Variants in PI4KA observed in about 807,000 individuals in gnomAD.
PI4KA encodes PI4-kinase alpha.
In PI4KA, 122 loss-of-function variants were observed where a neutral mutation model predicts 271.4. The ratio of observed to expected loss-of-function variants is 0.45; its 90% CI spans 0.39 to 0.52. The LOEUF (loss-of-function observed/expected upper bound fraction) is 0.52. Among genes scored for constraint, PI4KA ranks in the 20% least tolerant of loss-of-function variants. PI4KA has a pLI of 0.00. For synonymous variants in PI4KA, 1,041 were observed against 1,078.8 expected, an observed-to-expected ratio of 0.96 and a Z score of 0.69; for missense variants, 1,969 against 2,769.1, an observed-to-expected ratio of 0.71 and a Z score of 6.48.
intron 23 of PI4KA, 113 bp downstream of exon 23, chr22:20,761,191 A>G: frequency 1.4e-6 from 1 of 699,766 alleles, no homozygotes; most frequent in Non-Finnish European, 2.6e-6. Context: ...TTCTCATGCA[A>G]TATTTAACTT....
intron 1 of PI4KA, among the ~76,000 whole-genome samples, chr22:20,839,569 C>T (rs538943338): frequency 8.9e-4 from 135 of 152,300 alleles, no homozygotes; most frequent in Non-Finnish European, 1.6e-3. Flanking sequence ...CGGTGGCTCA[C>T]GCCTGTAATC....
chr22:20,738,187 G>A (rs1928965061), intron 32 of PI4KA, among the ~76,000 whole-genome samples: 1 of 152,068 alleles, frequency 6.6e-6, no homozygotes, highest in Non-Finnish European at 1.5e-5. Context: ...AGGAGTGAGC[G>A]TGGCTAAGAC....
intron 43 of PI4KA, among the ~76,000 whole-genome samples, chr22:20,720,369 TAAG>T (rs371415080): frequency 1.5e-3 from 221 of 152,158 alleles, no homozygotes; most frequent in African/African-American, 4.3e-3. Flanking sequence ...AAGTAATCAT[TAAG>T]AAGCTAGGCT....
At chr22:20,804,593 C>A (rs2147616636) in intron 11 of PI4KA, among the ~76,000 whole-genome samples, 193 bp from the exon 12 acceptor site, 1 of 152,276 alleles carries the variant, frequency 6.6e-6, no homozygotes, top group African/African-American at 2.4e-5. Flanking sequence ...CCCCCTTGTC[C>A]CCGCAGTGTT....
chr22:20,755,327 T>C (rs1931164806), intron 23 of PI4KA, among the ~76,000 whole-genome samples: 2 of 152,328 alleles, frequency 1.3e-5, no homozygotes, highest in Admixed American at 1.3e-4. Context: ...TCTTCTTTCT[T>C]GGCGTGTCCT....
At chr22:20,833,652 T>G (rs1032336277) in intron 3 of PI4KA, among the ~76,000 whole-genome samples, 4 of 97,946 alleles carry the variant, frequency 4.1e-5, no homozygotes, top group East Asian at 2.9e-4. Context: ...TTTTGGTTTG[T>G]TTTTGTTTTT....
At chr22:20,787,179 T>C in intron 19 of PI4KA, 1 of 975,962 alleles carries the variant, frequency 1.0e-6, no homozygotes, top group South Asian at 1.3e-5. Flanking sequence ...GCTACCAATC[T>C]GAATTCGAGG....
chr22:20,851,110 A>G (rs1926911617), intron 1 of PI4KA, among the ~76,000 whole-genome samples: 1 of 152,094 alleles, frequency 6.6e-6, no homozygotes, highest in African/African-American at 2.4e-5. Flanking sequence ...CTATAATCCC[A>G]GCACTTTGCG....
chr22:20,727,215 G>A lies in PI4KA; in HGVS notation c.4941+15C>T, dbSNP rs1601343927. 1 of 1,604,612 alleles carries A rather than the reference G, an allele frequency of 6.2e-7. No individual in the cohort carries two copies. The highest frequency in any genetic ancestry group is 8.5e-7 in the Non-Finnish European group (1 of 1,177,292). ...AGTCCTACCAGAGGCCAGCTCAGCA[G>A]GGCCCTGGGCTCACCGGAGGGAAGG... On this transcript the variant is annotated intron_variant, in intron 41 of 54. Coordinates refer to ENST00000255882, the MANE Select transcript of PI4KA (RefSeq NM_058004.4).
At chr22:20,823,115 T>G (rs373290331) in intron 4 of PI4KA, among the ~76,000 whole-genome samples, 2 of 152,094 alleles carry the variant, frequency 1.3e-5, no homozygotes, top group Admixed American at 1.3e-4. Context: ...GGTTTCTTCA[T>G]GTTGGCCAGG....
intron 42 of PI4KA, 58 bp from the exon 43 acceptor site, chr22:20,721,476 T>C: frequency 2.5e-6 from 4 of 1,588,520 alleles, no homozygotes; most frequent in East Asian, 4.5e-5. Context: ...AGGAGGGCCT[T>C]GTCAGCAGCT....
intron 3 of PI4KA, among the ~76,000 whole-genome samples, chr22:20,828,499 G>A (rs374011108): frequency 6.6e-6 from 1 of 152,106 alleles, no homozygotes; most frequent in East Asian, 1.9e-4. Flanking sequence ...GTTTGTCATA[G>A]ATGGCTATTA....
rs182974101 is a variant in PI4KA at position 20,841,179 on chromosome 22, C to T, written c.157-2448G>A. Among the ~76,000 whole-genome samples the T allele has an allele frequency of 2.2e-3, 334 of 152,210 alleles. 1 individual carries two copies. The highest frequency in any genetic ancestry group is 6.9e-3 in the African/African-American group (286 of 41,518). On this transcript the variant is annotated intron_variant, in intron 1 of 54. Transcript: ENST00000255882. ...ACAGGCATGAGCCATCGCACCCTGC[C>T]ACCAAGGCTTTCTTTTTTACATAAA...
In PI4KA at chr22:20,813,428, G is replaced by C. The variant is rs1177714722; in HGVS notation, c.935C>G (p.Pro312Arg). ...CTTATATGTGACACCGTTGAAAAGG[G>C]GAGAGACTGAGAAGCTGGAGCTGAT... ...STISSSFSVS[P>R]LFNGVTYKEF... Residue 312 changes from proline (P) to arginine (R), a missense_variant, in exon 8 of 55, where the codon CCC (proline) becomes CGC (arginine). Transcript: ENST00000255882. 3.1e-6 allele frequency: 5 copies of C among 1,613,520 alleles called. No homozygotes were observed. The highest frequency in any genetic ancestry group is 3.4e-6 in the Non-Finnish European group (4 of 1,179,460).
chr22:20,741,438 C>T (rs962260389), intron 32 of PI4KA, among the ~76,000 whole-genome samples: 1 of 152,158 alleles, frequency 6.6e-6, no homozygotes, highest in Admixed American at 6.5e-5. Context: ...ACTCCCCTGA[C>T]TTCACAGGTG....
intron 30 of PI4KA, among the ~76,000 whole-genome samples, chr22:20,744,064 A>G (rs1929776481): frequency 6.6e-6 from 1 of 152,142 alleles, no homozygotes; most frequent in South Asian, 2.1e-4. Context: ...AAAAACAAAA[A>G]CAAAAACAAA....
At chr22:20,826,415 G>C (rs368316311) in intron 3 of PI4KA, among the ~76,000 whole-genome samples, 25 of 152,108 alleles carry the variant, frequency 1.6e-4, no homozygotes, top group African/African-American at 5.3e-4. Context: ...AGTACTCCAC[G>C]GTACACATAC....
intron 47 of PI4KA, among the ~76,000 whole-genome samples, 195 bp from the exon 48 acceptor site, chr22:20,713,585 G>A (rs1360727669): frequency 6.6e-6 from 1 of 152,216 alleles, no homozygotes; most frequent in African/African-American, 2.4e-5. Flanking sequence ...TGGAATCCAG[G>A]GTTGGAGTCT....
chr22:20,788,354 G>T (rs1934407190), intron 19 of PI4KA, among the ~76,000 whole-genome samples: 1 of 152,178 alleles, frequency 6.6e-6, no homozygotes, highest in Non-Finnish European at 1.5e-5. Flanking sequence ...AAGAAGAGTG[G>T]TAAAAGGGAG....
Sources: allele counts gnomAD v4.1 joint callset (sites outside exome capture counted in the v4.1 genomes callset), GRCh38; gene constraint gnomAD v4.1.1; transcripts MANE v1.5; gene names NCBI Gene and HGNC (gene_info 2026-07-23, HGNC 2026-07-21).